Variants in DGKI observed in about 807,000 individuals in gnomAD.
DGKI encodes the protein DAG kinase iota.
DGKI carries 55 observed loss-of-function variants against 147.5 expected under a neutral mutation model. The ratio of observed to expected loss-of-function variants is 0.37; its 90% confidence interval spans 0.30 to 0.47. The LOEUF is 0.47. Among genes scored for constraint, DGKI ranks in the 20% least tolerant of loss-of-function variants. The pLI is 1.00. For synonymous variants in DGKI, 469 were observed against 477.1 expected (o/e 0.98, Z 0.22); for missense variants, 1,007 against 1,323.8 (o/e 0.76, Z 3.71).
intron 21 of DGKI, among the ~76,000 whole-genome samples, chr7:137,505,998 C>A (rs1366619370): frequency 6.6e-6 from 1 of 152,122 alleles, no homozygotes; most frequent in Non-Finnish European, 1.5e-5. Context: ...AACATTCATT[C>A]ATTGCTGGTG....
At chr7:137,552,981 A>G in intron 19 of DGKI, among the ~76,000 whole-genome samples, 1 of 152,204 alleles carries the variant, frequency 6.6e-6, no homozygotes, top group East Asian at 1.9e-4. Flanking sequence ...GGAGTCTCTG[A>G]TAAACATACT....
chr7:137,606,695 G>C (rs1005351019), intron 10 of DGKI, among the ~76,000 whole-genome samples: 91 of 152,264 alleles, frequency 6.0e-4, no homozygotes, highest in African/African-American at 2.1e-3. Context: ...AAAAAAACTA[G>C]TTTCCATTGC....
intron 3 of DGKI, among the ~76,000 whole-genome samples, chr7:137,664,176 A>C (rs555331606): frequency 6.6e-6 from 1 of 152,274 alleles, no homozygotes; most frequent in Non-Finnish European, 1.5e-5. Flanking sequence ...TGGGAGTTCA[A>C]GACCAGCCTG....
At chr7:137,467,518 A>G (rs561910459) in intron 24 of DGKI, among the ~76,000 whole-genome samples, 11 of 152,254 alleles carry the variant, frequency 7.2e-5, no homozygotes, top group Non-Finnish European at 1.6e-4. Context: ...GATTCAGGCC[A>G]GAGACCATAT....
At chr7:137,431,280 T>C (rs1324068114) in intron 28 of DGKI, among the ~76,000 whole-genome samples, 1 of 151,762 alleles carries the variant, frequency 6.6e-6, no homozygotes, top group Non-Finnish European at 1.5e-5. Context: ...GCTGAAACAA[T>C]TGTCTTCACT....
intron 1 of DGKI, among the ~76,000 whole-genome samples, chr7:137,769,709 C>T (rs937280453): frequency 6.6e-6 from 1 of 152,130 alleles, no homozygotes; most frequent in Non-Finnish European, 1.5e-5. Context: ...ATGCGGCCAA[C>T]AAACATGAAA....
At chr7:137,713,593 G>A (rs908652242) in intron 1 of DGKI, among the ~76,000 whole-genome samples, 1 of 152,074 alleles carries the variant, frequency 6.6e-6, no homozygotes, top group Non-Finnish European at 1.5e-5. Flanking sequence ...GGATAATTTT[G>A]TAGAGGTTGC....
chr7:137,779,687 T>C (rs915428752), intron 1 of DGKI, among the ~76,000 whole-genome samples: 3 of 152,278 alleles, frequency 2.0e-5, no homozygotes, highest in Non-Finnish European at 2.9e-5. Context: ...ACCCAGTCTG[T>C]GGTATTCTGT....
chr7:137,821,595 T>C (rs1457046160), intron 1 of DGKI, among the ~76,000 whole-genome samples: 1 of 147,286 alleles, frequency 6.8e-6, no homozygotes, highest in East Asian at 2.0e-4. Flanking sequence ...TTAGCCCAGC[T>C]CTCTCCAGAA....
At chr7:137,537,401 C>CT (rs917889352) in intron 20 of DGKI, among the ~76,000 whole-genome samples, 9 of 152,180 alleles carry the variant, frequency 5.9e-5, no homozygotes, top group African/African-American at 1.9e-4. Context: ...AAATGTTCTG[C>CT]TTTTTTTCCC....
chr7:137,390,783 T>C lies in DGKI; in HGVS notation c.*437A>G, dbSNP rs1445745777. ...TCTTGTGGTCTTCCAAGACTGAATGTAAAGAGAAGAGATAATATTTTTCTT... is the reference window on the plus strand; with the variant it reads ...TCTTGTGGTCTTCCAAGACTGAATGCAAAGAGAAGAGATAATATTTTTCTT... On this transcript the variant is annotated 3_prime_UTR_variant, in exon 33 of 33. Coordinates refer to ENST00000614521, the MANE Select transcript of DGKI (RefSeq NM_001321708.2). 2 of 166,712 alleles carry C rather than the reference T, an allele frequency of 1.2e-5. No individual in the cohort carries two copies. The highest frequency in any genetic ancestry group is 4.8e-5 in the African/African-American group (2 of 41,518). The allele number at this position is 166,712 out of a possible 1,614,324, so 10.3% of individuals were successfully genotyped here.
At chr7:137,674,377 T>C (rs1489177950) in intron 3 of DGKI, among the ~76,000 whole-genome samples, 1 of 152,124 alleles carries the variant, frequency 6.6e-6, no homozygotes, top group Non-Finnish European at 1.5e-5. Context: ...CAAATATCAA[T>C]CCACATGGCA....
At chr7:137,720,906 C>T (rs946037719) in intron 1 of DGKI, among the ~76,000 whole-genome samples, 12 of 152,208 alleles carry the variant, frequency 7.9e-5, no homozygotes, top group African/African-American at 2.2e-4. Context: ...AATCCTCTAC[C>T]CTAGAGGCAG....
chr7:137,654,677 C>G, intron 5 of DGKI, 55 bp downstream of exon 5: 1 of 1,240,974 alleles, frequency 8.1e-7, no homozygotes, highest in Non-Finnish European at 1.2e-6. Context: ...TATGAATCCA[C>G]TGAATCAATG....
intron 5 of DGKI, among the ~76,000 whole-genome samples, chr7:137,654,326 G>T (rs1350642043): frequency 1.3e-5 from 2 of 152,182 alleles, no homozygotes; most frequent in Admixed American, 6.5e-5. Flanking sequence ...ACCAGTTACT[G>T]TGCTGCCCCA....
intron 1 of DGKI, among the ~76,000 whole-genome samples, chr7:137,714,802 A>T (rs1474268463): frequency 6.6e-6 from 1 of 152,176 alleles, no homozygotes; most frequent in East Asian, 1.9e-4. Context: ...TTCAACCTAG[A>T]TGTTGGGTTT....
chr7:137,426,619 C>G (rs1003683896), intron 28 of DGKI, among the ~76,000 whole-genome samples: 35 of 146,460 alleles, frequency 2.4e-4, no homozygotes, highest in African/African-American at 8.1e-4. Context: ...TGGATAAAGA[C>G]TCAAGACCCA....
In DGKI at chr7:137,575,887, T is replaced by C. The variant is rs150736265; in HGVS notation, c.1761+1335A>G. ...ACTGATTTAGGAGATTCATGTCTTA[T>C]ACATGCTTTACTGGTGATTACACAT... On this transcript the variant is annotated intron_variant, in intron 17 of 32. Coordinates refer to ENST00000614521, the MANE Select transcript of DGKI (RefSeq NM_001321708.2). Among the ~76,000 whole-genome samples the C allele has an allele frequency of 1.4e-3, 216 of 152,330 alleles. 1 individual carries two copies. The highest frequency in any genetic ancestry group is 5.0e-3 in the African/African-American group (208 of 41,584).
At chr7:137,787,568 G>GA (rs1459705163) in intron 1 of DGKI, among the ~76,000 whole-genome samples, 2 of 152,128 alleles carry the variant, frequency 1.3e-5, no homozygotes, top group South Asian at 4.1e-4. Context: ...ATTCCTTAAA[G>GA]AACTAAAAAT....
Sources: gnomAD v4.1 joint callset for allele counts (sites outside exome capture counted in the v4.1 genomes callset) on GRCh38, gnomAD v4.1.1 for gene constraint, MANE v1.5 for transcripts, NCBI Gene and HGNC (gene_info 2026-07-23, HGNC 2026-07-21) for gene names.